LRRC4C: variants seen among roughly 807,000 people sequenced by gnomAD.
The protein encoded by LRRC4C is leucine rich repeat containing 4C.
A neutral mutation model predicts 33.6 loss-of-function variants in LRRC4C; 5 were observed. The ratio of observed to expected loss-of-function variants is 0.15; its 90% CI spans 0.08 to 0.31. The LOEUF is 0.31. Ranked by LOEUF, LRRC4C falls within the 10% of genes least tolerant of loss-of-function variation. The pLI, the probability that LRRC4C is intolerant of heterozygous loss-of-function variation, is 1.00. For missense variants in LRRC4C, 560 were observed against 796.7 expected, an observed-to-expected ratio of 0.70 and a Z score of 3.58; for synonymous variants, 329 against 302.0, an observed-to-expected ratio of 1.09 and a Z score of -0.93.
chr11:41,066,336 C>A (rs1478657426), intron 1 of LRRC4C, among the ~76,000 whole-genome samples: 1 of 151,986 alleles, frequency 6.6e-6, no homozygotes, highest in Non-Finnish European at 1.5e-5. Context: ...GACCATCTTT[C>A]TTAAATAAGG....
Position 41,182,604 on chromosome 11 carries a change from C to G in LRRC4C, c.-495-248881G>C, listed in dbSNP as rs544655382. Among the ~76,000 whole-genome samples the G allele has an allele frequency of 1.5e-4, 23 of 152,076 alleles. 1 individual carries two copies. In the South Asian group the frequency reaches 4.6e-3, roughly 30 times the overall value. On this transcript the variant is annotated intron_variant, in intron 1 of 6. Transcript: ENST00000528697. ...AACACTATGAAAATGAAAATGTATG[C>G]TAGGATCTCTAAAAGTCCAAAATCT...
chr11:41,162,531 C>T (rs1944518076), intron 1 of LRRC4C, among the ~76,000 whole-genome samples: 1 of 152,128 alleles, frequency 6.6e-6, no homozygotes, highest in African/African-American at 2.4e-5. Context: ...GATGCTATAT[C>T]CTACTATACG....
chr11:41,292,860 A>G (rs1950030251), intron 1 of LRRC4C, among the ~76,000 whole-genome samples: 1 of 152,174 alleles, frequency 6.6e-6, no homozygotes, highest in African/African-American at 2.4e-5. Flanking sequence ...AGTAATATGT[A>G]TCTAACCTTT....
chr11:41,015,572 C>T (rs1855522457), intron 1 of LRRC4C, among the ~76,000 whole-genome samples: 1 of 152,078 alleles, frequency 6.6e-6, no homozygotes, highest in Admixed American at 6.6e-5. Context: ...CCTAGGCCTC[C>T]CAAAGTGCTA....
chr11:41,298,855 A>T (rs1950212302), intron 1 of LRRC4C, among the ~76,000 whole-genome samples: 1 of 151,430 alleles, frequency 6.6e-6, no homozygotes, highest in Non-Finnish European at 1.5e-5. Flanking sequence ...TCATTTGTGT[A>T]CGTTATTCAG....
chr11:40,364,593 C>A (rs560654117), intron 3 of LRRC4C, among the ~76,000 whole-genome samples: 3 of 151,950 alleles, frequency 2.0e-5, no homozygotes, highest in African/African-American at 7.2e-5. Flanking sequence ...TGGCTTAAAG[C>A]GTCTCATATA....
chr11:40,376,234 T>A (rs190811382), intron 3 of LRRC4C, among the ~76,000 whole-genome samples: 4 of 152,308 alleles, frequency 2.6e-5, no homozygotes, highest in Admixed American at 2.6e-4. Flanking sequence ...CCACTCATGA[T>A]AACCCCTCTT....
At chr11:40,451,668 AG>A (rs1951894152) in intron 3 of LRRC4C, among the ~76,000 whole-genome samples, 1 of 152,064 alleles carries the variant, frequency 6.6e-6, no homozygotes, top group African/African-American at 2.4e-5. Flanking sequence ...TACAGGCATA[AG>A]CCACTGCACC....
intron 1 of LRRC4C, among the ~76,000 whole-genome samples, chr11:41,243,445 A>T (rs970268968): frequency 6.6e-6 from 1 of 152,192 alleles, no homozygotes; most frequent in Non-Finnish European, 1.5e-5. Context: ...CCAACTATTG[A>T]TAACTATTCT....
intron 3 of LRRC4C, among the ~76,000 whole-genome samples, chr11:40,549,449 A>G (rs184702016): frequency 6.6e-6 from 1 of 152,334 alleles, no homozygotes; most frequent in East Asian, 1.9e-4. Flanking sequence ...AGAAAGAGCG[A>G]TGCCATTTAA....
chr11:40,984,592 C>T (rs1402833863), intron 1 of LRRC4C, among the ~76,000 whole-genome samples: 3 of 152,084 alleles, frequency 2.0e-5, no homozygotes, highest in African/African-American at 7.2e-5. Flanking sequence ...TTTGCCTTCT[C>T]AAGATCTGGA....
chr11:40,488,531 T>A (rs930126355), intron 3 of LRRC4C, among the ~76,000 whole-genome samples: 9 of 152,104 alleles, frequency 5.9e-5, no homozygotes, highest in South Asian at 2.1e-4. Context: ...ACTTTGTTAT[T>A]CTGTAGTGAT....
At chr11:40,485,634 A>G (rs1201959777) in intron 3 of LRRC4C, among the ~76,000 whole-genome samples, 1 of 152,076 alleles carries the variant, frequency 6.6e-6, no homozygotes, top group Non-Finnish European at 1.5e-5. Context: ...ACACCATTCA[A>G]TCCAGCAATC....
At chr11:40,231,547 G>GCCC (rs1865201363) in intron 5 of LRRC4C, among the ~76,000 whole-genome samples, 1 of 152,024 alleles carries the variant, frequency 6.6e-6, no homozygotes, top group African/African-American at 2.4e-5. Context: ...CATATTTTGT[G>GCCC]CCAGGTACTA....
chr11:40,654,384 G>C (rs1180188109), intron 2 of LRRC4C, among the ~76,000 whole-genome samples: 3 of 152,192 alleles, frequency 2.0e-5, no homozygotes. Context: ...AAGGCCATGA[G>C]AGCTCACTTC....
At chr11:40,674,366 T>C (rs1944284992) in intron 2 of LRRC4C, among the ~76,000 whole-genome samples, 1 of 152,186 alleles carries the variant, frequency 6.6e-6, no homozygotes, top group Non-Finnish European at 1.5e-5. Context: ...CTTTTAGCCT[T>C]TCCTGCTTTG....
At chr11:40,836,415 T>C (rs2135589133) in intron 2 of LRRC4C, among the ~76,000 whole-genome samples, 1 of 152,322 alleles carries the variant, frequency 6.6e-6, no homozygotes, top group African/African-American at 2.4e-5. Flanking sequence ...GCTCTGATAT[T>C]GTTTTATATG....
At chr11:40,612,394 T>A (rs528997696) in intron 3 of LRRC4C, among the ~76,000 whole-genome samples, 1 of 151,630 alleles carries the variant, frequency 6.6e-6, no homozygotes, top group African/African-American at 2.4e-5. Context: ...GATAAAGAGG[T>A]AATGAGGAGG....
At chr11:40,937,932 CAA>C (rs1370619675) in intron 1 of LRRC4C, among the ~76,000 whole-genome samples, 6 of 152,094 alleles carry the variant, frequency 3.9e-5, no homozygotes, top group Non-Finnish European at 7.3e-5. Flanking sequence ...GCTGGAATTA[CAA>C]GTGTGAGCTC....
Sources: gnomAD v4.1 joint callset for allele counts (sites outside exome capture counted in the v4.1 genomes callset) on GRCh38, gnomAD v4.1.1 for gene constraint, MANE v1.5 for transcripts, NCBI Gene and HGNC (gene_info 2026-07-23, HGNC 2026-07-21) for gene names.